The following ADGRG6 variants were observed in gnomAD, a reference collection of about 807,000 sequenced individuals.
The protein encoded by ADGRG6 is G-protein coupled receptor 126.
In ADGRG6, 84 loss-of-function variants were observed where a neutral mutation model predicts 142.4. The ratio of observed to expected loss-of-function variants is 0.59; its 90% CI spans 0.49 to 0.71. ADGRG6 has a LOEUF of 0.71. ADGRG6 is among the 30% of genes least tolerant of loss of function. The pLI is 0.00. For missense variants in ADGRG6, 1,367 were observed against 1,466.6 expected, an observed-to-expected ratio of 0.93 and a Z score of 1.11; for synonymous variants, 521 against 520.5, an observed-to-expected ratio of 1.00 and a Z score of -0.01.
intron 2 of ADGRG6, among the ~76,000 whole-genome samples, chr6:142,320,174 C>T (rs548606958): frequency 1.3e-5 from 2 of 152,032 alleles, no homozygotes; most frequent in African/African-American, 4.8e-5. Flanking sequence ...GCCTTAGAAG[C>T]ATTAGTAGTA....
At position 142,370,611 on chromosome 6, in the gene ADGRG6, A is replaced by G. The variant is rs1583049366; in HGVS notation, c.887A>G (p.Asn296Ser). ...PGNGKLLLGS[N>S]QNEIVSLKGD... Reference sequence around the variant, plus strand: ...AATGGGAAATTGTTGTTGGGCTCCAATCAAAATGAAATTGTCTCTCTAAAA... The same window carrying G: ...AATGGGAAATTGTTGTTGGGCTCCAGTCAAAATGAAATTGTCTCTCTAAAA... Residue 296 changes from asparagine to serine, a missense_variant, in exon 4 of 25, where the codon AAT (asparagine) becomes AGT (serine). Physicochemically the swap from Asn to Ser is conservative, Grantham distance 46. This residue lies in a region of ADGRG6 where 737 missense variants were observed against 746.5 expected (regional missense o/e 0.99). Transcript: ENST00000367609. 2 of 1,613,402 alleles carry G rather than the reference A, an allele frequency of 1.2e-6. No individual in the cohort carries two copies.
chr6:142,393,804 C>T, intron 8 of ADGRG6, 92 bp from the exon 9 acceptor site: 1 of 763,606 alleles, frequency 1.3e-6, no homozygotes, highest in Non-Finnish European at 2.3e-6. Context: ...TTAGAATTCC[C>T]ATTCTGTCTC....
intron 18 of ADGRG6, among the ~76,000 whole-genome samples, chr6:142,412,135 G>T (rs568242675): frequency 6.6e-6 from 1 of 152,044 alleles, no homozygotes; most frequent in Non-Finnish European, 1.5e-5. Flanking sequence ...GACGCACCAC[G>T]CATCCAGCGA....
Position 142,367,555 on chromosome 6 carries a change from T to C in ADGRG6, c.104-14T>C, listed in dbSNP as rs561621715. 6.2e-7 allele frequency: 1 copy of C among 1,605,818 alleles called. No homozygotes were observed. Among genetic ancestry groups the C allele is most frequent in the African/African-American group, 1.3e-5 (1 of 74,788 alleles). ...CCAGCCCTTCTCTCTGTCTCTCTTT[T>C]GTCTGGCCAGCAGTGTGGGGATGTG... On this transcript the variant is annotated splice_polypyrimidine_tract_variant and intron_variant, in intron 2 of 24. Transcript: ENST00000367609.
At chr6:142,390,369 T>G in intron 7 of ADGRG6, 26 bp downstream of exon 7, 12 of 1,343,564 alleles carry the variant, frequency 8.9e-6, no homozygotes, top group Non-Finnish European at 1.3e-5. Flanking sequence ...ACTTTTCTTT[T>G]TTAAAAAAAT....
chr6:142,318,199 A>ATAT (rs1371454410), intron 2 of ADGRG6, among the ~76,000 whole-genome samples: 6 of 46,250 alleles, frequency 1.3e-4, no homozygotes, highest in Admixed American at 4.1e-4. Flanking sequence ...ATATATTTAT[A>ATAT]TTATATATAT....
At position 142,321,286 on chromosome 6, in the gene ADGRG6, T is replaced by TACACACACACACACACAC. The variant is rs10632214; in HGVS notation, c.103+11651_103+11668dup. On this transcript the variant is annotated intron_variant, in intron 2 of 24. Transcript: ENST00000367609. ...TTATGTTTCCAAAAATAAGCATGCA[T>TACACACACACACACACAC]ACACACACACACACACACACACACA... Among the ~76,000 whole-genome samples, 958 of 147,870 alleles carry TACACACACACACACACAC rather than the reference T, an allele frequency of 6.5e-3. 10 individuals are homozygous for TACACACACACACACACAC. The highest frequency in any genetic ancestry group is 0.023 in the African/African-American group (911 of 40,438).
intron 17 of ADGRG6, 38 bp from the exon 18 acceptor site, chr6:142,411,267 C>A: frequency 9.2e-7 from 1 of 1,091,116 alleles, no homozygotes; most frequent in Non-Finnish European, 1.4e-6. Context: ...AAGAAACTGA[C>A]CTGCTGTTTT....
At chr6:142,400,074 T>C (rs1227694245) in intron 10 of ADGRG6, among the ~76,000 whole-genome samples, 1 of 152,186 alleles carries the variant, frequency 6.6e-6, no homozygotes, top group Admixed American at 6.5e-5. Context: ...GAAGACACTA[T>C]TGAGGCATCA....
At chr6:142,351,169 T>C (rs928596257) in intron 2 of ADGRG6, among the ~76,000 whole-genome samples, 3 of 152,094 alleles carry the variant, frequency 2.0e-5, no homozygotes, top group African/African-American at 7.2e-5. Flanking sequence ...GAGGCGGAGC[T>C]TGCAGTGAGC....
rs915107635 is a variant in ADGRG6, at chr6:142,434,326, A to AT, written c.3320-3099dup. 1.6e-4 allele frequency among the ~76,000 whole-genome samples: 24 copies of AT among 150,468 alleles called. No homozygotes were observed. In the South Asian group the frequency reaches 2.5e-3, roughly 16 times the overall value. On this transcript the variant is annotated intron_variant, in intron 22 of 24. Transcript: ENST00000367609. ...GATCAACATATTTAAATTTCCCAGA[A>AT]TTTTTTTTTCTTTTTTGAGACGGAG...
chr6:142,334,399 A>T (rs1394672931), intron 2 of ADGRG6, among the ~76,000 whole-genome samples: 2 of 152,206 alleles, frequency 1.3e-5, no homozygotes, highest in Non-Finnish European at 2.9e-5. Flanking sequence ...CCCTAAAACC[A>T]TGAAGTGAAT....
At chr6:142,378,294 T>C (rs1005065035) in intron 4 of ADGRG6, among the ~76,000 whole-genome samples, 2 of 152,208 alleles carry the variant, frequency 1.3e-5, no homozygotes, top group African/African-American at 2.4e-5. Flanking sequence ...TCCAGAGATA[T>C]TGTATCAGTG....
intron 2 of ADGRG6, among the ~76,000 whole-genome samples, chr6:142,333,168 A>C (rs1489477742): frequency 1.4e-4 from 21 of 152,146 alleles, no homozygotes; most frequent in Admixed American, 1.4e-3. Context: ...ACAGTATTAA[A>C]TTATTTTCTT....
Position 142,415,191 on chromosome 6 carries a change from G to A in ADGRG6, c.2669+95G>A, listed in dbSNP as rs926992426. On this transcript the variant is annotated intron_variant, in intron 19 of 24. Coordinates refer to ENST00000367609, the MANE Select transcript of ADGRG6 (RefSeq NM_198569.3). ...CTTTGAAAAACATTTATACACTGTA[G>A]GGTGGTTGAACGTTAATGTTCATGT... 6.2e-6 allele frequency: 5 copies of A among 811,180 alleles called. No homozygotes were observed. In the Admixed American group the frequency reaches 9.0e-5, roughly 15 times the overall value. 50.2% of individuals were successfully genotyped at this position (811,180 alleles called of 1,614,324 possible). A position where few individuals can be genotyped will look rare whatever the true frequency, so the allele number is the denominator to read the frequency against.
chr6:142,338,194 G>A (rs1406239245), intron 2 of ADGRG6, among the ~76,000 whole-genome samples: 4 of 150,790 alleles, frequency 2.7e-5, no homozygotes, highest in African/African-American at 2.4e-5. Flanking sequence ...CTAACTTTTT[G>A]TATTTTTAGT....
At chr6:142,339,698 C>T (rs989355233) in intron 2 of ADGRG6, among the ~76,000 whole-genome samples, 6 of 152,102 alleles carry the variant, frequency 3.9e-5, no homozygotes, top group Admixed American at 2.0e-4. Context: ...GATGTTTTGA[C>T]CTCAAGAATT....
At chr6:142,336,767 A>G (rs1779336795) in intron 2 of ADGRG6, among the ~76,000 whole-genome samples, 2 of 152,212 alleles carry the variant, frequency 1.3e-5, no homozygotes, top group Non-Finnish European at 2.9e-5. Flanking sequence ...TATTATTGTC[A>G]CTATGCAGAT....
intron 9 of ADGRG6, among the ~76,000 whole-genome samples, chr6:142,396,384 T>C (rs1196789553): frequency 1.3e-5 from 2 of 152,202 alleles, no homozygotes; most frequent in African/African-American, 4.8e-5. Context: ...AGAGAGCTTT[T>C]CAGAGTTAAT....
Sources: gnomAD v4.1 joint callset for allele counts (sites outside exome capture counted in the v4.1 genomes callset) on GRCh38, gnomAD v4.1.1 for gene constraint, gnomAD v4.1.1 regional missense constraint, MANE v1.5 for transcripts, NCBI Gene and HGNC (gene_info 2026-07-23, HGNC 2026-07-21) for gene names.